The following FGD6 variants were observed in gnomAD, a reference collection of about 807,000 sequenced individuals.
FGD6 encodes FYVE, RhoGEF and PH domain containing 6.
In FGD6, 90 loss-of-function variants were observed where a neutral mutation model predicts 149.4. The observed-to-expected ratio is 0.60, with a 90% confidence interval of 0.51 to 0.72. The LOEUF is 0.72. FGD6 is among the 30% of genes least tolerant of loss of function. The pLI, the probability that FGD6 is intolerant of heterozygous loss-of-function variation, is 0.00. For missense variants in FGD6, 1,437 were observed against 1,684.8 expected (o/e 0.85, Z 2.57); for synonymous variants, 527 against 584.0 (o/e 0.90, Z 1.41).
intron 8 of FGD6, among the ~76,000 whole-genome samples, chr12:95,132,791 A>C (rs565709533): frequency 1.3e-5 from 2 of 152,044 alleles, no homozygotes; most frequent in South Asian, 4.1e-4. Flanking sequence ...ATAAATAAAT[A>C]ATATGTAAAA....
intron 7 of FGD6, among the ~76,000 whole-genome samples, chr12:95,135,651 G>A (rs11613607): frequency 0.48 from 72,377 of 151,294 alleles, 17,585 homozygotes; most frequent in Middle Eastern, 0.62. Context: ...CTACAAAAAA[G>A]AGTCACGCTT....
intron 8 of FGD6, among the ~76,000 whole-genome samples, chr12:95,134,263 C>T (rs1879604056): frequency 6.6e-6 from 1 of 152,036 alleles, no homozygotes; most frequent in Non-Finnish European, 1.5e-5. Context: ...CACCCAGCTA[C>T]GGTACTATTC....
intron 3 of FGD6, among the ~76,000 whole-genome samples, chr12:95,170,408 G>A (rs573642693): frequency 5.9e-5 from 9 of 152,156 alleles, no homozygotes; most frequent in Admixed American, 3.9e-4. Context: ...TGGGAGGCCC[G>A]AGGTGTGTGG....
At chr12:95,177,907 C>CT (rs1881178189) in intron 2 of FGD6, among the ~76,000 whole-genome samples, 2 of 73,734 alleles carry the variant, frequency 2.7e-5, no homozygotes, top group South Asian at 5.5e-4. Context: ...TTTTAAACAA[C>CT]AATTTATTTA....
At chr12:95,140,838 G>A (rs1879820845) in intron 6 of FGD6, among the ~76,000 whole-genome samples, 1 of 152,160 alleles carries the variant, frequency 6.6e-6, no homozygotes, top group African/African-American at 2.4e-5. Context: ...TAAATCGGCT[G>A]CATCTTGCTT....
chr12:95,207,523 A>G (rs1003050083), intron 2 of FGD6, among the ~76,000 whole-genome samples: 15 of 152,330 alleles, frequency 9.8e-5, no homozygotes, highest in Admixed American at 3.9e-4. Flanking sequence ...CTTTTTTGTT[A>G]AACACAAACA....
chr12:95,114,376 G>T (rs970695944), intron 8 of FGD6, among the ~76,000 whole-genome samples: 1 of 151,122 alleles, frequency 6.6e-6, no homozygotes, highest in African/African-American at 2.4e-5. Context: ...GAGGCCAAAG[G>T]GGGTGGATCA....
intron 3 of FGD6, among the ~76,000 whole-genome samples, chr12:95,163,353 CT>C (rs938623068): frequency 3.3e-5 from 5 of 151,748 alleles, no homozygotes; most frequent in South Asian, 2.1e-4. Context: ...AACACTCCAA[CT>C]TTTTTTTTAT....
rs1877599683 is a variant in FGD6 at position 95,079,435 on chromosome 12, G to C, written c.*2085C>G. On this transcript the variant is annotated 3_prime_UTR_variant, in exon 21 of 21. Coordinates refer to ENST00000343958, the MANE Select transcript of FGD6 (RefSeq NM_018351.4). Reference sequence around the variant, plus strand: ...AGAATAGCCTGGCTGATATTTTTTAGATTATAAGGCTTAAGCCAAACCTTG... The same window carrying C: ...AGAATAGCCTGGCTGATATTTTTTACATTATAAGGCTTAAGCCAAACCTTG... The C allele has an allele frequency of 6.6e-6, 1 of 152,202 alleles. No homozygotes were observed. Among genetic ancestry groups the C allele is most frequent in the South Asian group, 2.1e-4 (1 of 4,828 alleles). 9.4% of individuals were successfully genotyped at this position (152,202 alleles called of 1,614,324 possible). A position where few individuals can be genotyped will look rare whatever the true frequency, so the allele number is the denominator to read the frequency against.
chr12:95,092,902 C>A, intron 15 of FGD6, 57 bp from the exon 16 acceptor site: 3 of 1,543,120 alleles, frequency 1.9e-6, no homozygotes, highest in South Asian at 1.2e-5. Context: ...CCTTTTTATT[C>A]GGCAGTGGCA....
In FGD6 at chr12:95,211,074, C is replaced by T. The variant is rs201168809; in HGVS notation, c.210G>A (p.Ser70=). The change falls in exon 2 of 21, where the codon TCG becomes TCA. Residue 70 remains serine (S), a synonymous_variant. Coordinates refer to ENST00000343958, the MANE Select transcript of FGD6 (RefSeq NM_018351.4). ...GGTTCAACATGATTTTCCTTGATGG[C>T]GACTGCCCAATCTCTCGAACAGGTG... ...KTSPVREIGQ[S]PSRKIMLNLE... is the part of the protein sequence containing the mutation. The T allele has an allele frequency of 3.2e-5, 52 of 1,613,926 alleles. No individual in the cohort carries two copies. Among genetic ancestry groups the T allele is most frequent in the Admixed American group, 1.7e-5 (1 of 59,996 alleles).
intron 3 of FGD6, among the ~76,000 whole-genome samples, chr12:95,171,864 T>C (rs1359542127): frequency 6.6e-6 from 1 of 152,152 alleles, no homozygotes; most frequent in Non-Finnish European, 1.5e-5. Flanking sequence ...TCATGTATGC[T>C]GTGCTCCCCC....
rs776839265 is a variant in FGD6 at position 95,210,955 on chromosome 12, C to T, written c.329G>A (p.Cys110Tyr). 1.1e-5 allele frequency: 17 copies of T among 1,614,246 alleles called. No homozygotes were observed. In the East Asian group the frequency reaches 3.6e-4, roughly 34 times the overall value. ...ATGGATACACTCAGAACTGCAGGAA[C>T]ACATTGGTGAAATATAATCATTGCT... Reference protein sequence around the residue: ...NQSNDYISPMCSCSSECIHKL... With the variant: ...NQSNDYISPMYSCSSECIHKL... The change falls in exon 2 of 21, where the codon TGT becomes TAT. Residue 110 changes from cysteine (C) to tyrosine (Y), a missense_variant. Transcript: ENST00000343958.
chr12:95,138,823 T>C (rs908144777), intron 6 of FGD6, among the ~76,000 whole-genome samples: 2 of 152,184 alleles, frequency 1.3e-5, no homozygotes, highest in Non-Finnish European at 2.9e-5. Flanking sequence ...CCACTCAAGC[T>C]TCATTTGCTA....
At chr12:95,128,608 A>C (rs1879418716) in intron 8 of FGD6, among the ~76,000 whole-genome samples, 1 of 152,218 alleles carries the variant, frequency 6.6e-6, no homozygotes, top group Non-Finnish European at 1.5e-5. Context: ...AACAACTAAA[A>C]GATTTAGTCA....
chr12:95,084,517 C>G lies in FGD6; in HGVS notation c.4237G>C (p.Asp1413His), dbSNP rs139714503. 3.8e-6 allele frequency: 6 copies of G among 1,576,958 alleles called. No homozygotes were observed. The African/African-American group carries it at 4.1e-5, about 11-fold the overall frequency. ...NMLFYVFKAE[D>H]AHSAQKWIEA... ...ACTTACTTCTGAGCCGAATGAGCAT[C>G]CTCTGCTTTGAATACATAAAATAAC... Residue 1413 changes from aspartate to histidine, a missense_variant, in exon 20 of 21, where the codon GAT becomes CAT. Asp to His is a moderately conservative substitution (Grantham distance 81, BLOSUM62 -1). Transcript: ENST00000343958.
Position 95,174,844 on chromosome 12 carries a change from G to A in FGD6, c.2442-2100C>T, listed in dbSNP as rs753973943. ...TCGGGAGGCTGAGGCAGAGAATGGCGTGAACCCGGGAGGCGGAGCTTGCAG... is the reference window on the plus strand; with the variant it reads ...TCGGGAGGCTGAGGCAGAGAATGGCATGAACCCGGGAGGCGGAGCTTGCAG... On this transcript the variant is annotated intron_variant, in intron 2 of 20. Transcript: ENST00000343958. 6.9e-4 allele frequency among the ~76,000 whole-genome samples: 100 copies of A among 145,300 alleles called. 1 individual carries two copies. The highest frequency in any genetic ancestry group is 1.2e-3 in the Non-Finnish European group (78 of 67,282).
chr12:95,167,351 A>G (rs754287404), intron 3 of FGD6, among the ~76,000 whole-genome samples: 6 of 152,186 alleles, frequency 3.9e-5, no homozygotes, highest in African/African-American at 9.6e-5. Context: ...TAGATCCTAT[A>G]AGGACTCCCA....
At chr12:95,144,995 T>TTTTTC (rs1879966537) in intron 5 of FGD6, among the ~76,000 whole-genome samples, 1 of 141,132 alleles carries the variant, frequency 7.1e-6, no homozygotes, top group African/African-American at 2.7e-5. Context: ...GGCCTTTTTT[T>TTTTTC]TTTTTTTTTT....
Sources: gnomAD v4.1 joint callset for allele counts (sites outside exome capture counted in the v4.1 genomes callset) on GRCh38, gnomAD v4.1.1 for gene constraint, MANE v1.5 for transcripts, NCBI Gene and HGNC (gene_info 2026-07-23, HGNC 2026-07-21) for gene names.